Variants in ANKRD17 observed in about 807,000 individuals in gnomAD.
The protein encoded by ANKRD17 is ankyrin repeat domain 17.
Under a neutral mutation model 229.7 loss-of-function variants are expected in ANKRD17, and 19 were observed. The ratio of observed to expected loss-of-function variants is 0.08; its 90% CI spans 0.06 to 0.12. ANKRD17 has a LOEUF of 0.12. ANKRD17 is among the 10% of genes least tolerant of loss of function. The pLI is 1.00. For synonymous variants in ANKRD17, 1,112 were observed against 1,146.1 expected (o/e 0.97, Z 0.60); for missense variants, 2,176 against 3,176.8 (o/e 0.68, Z 7.57).
intron 1 of ANKRD17, among the ~76,000 whole-genome samples, chr4:73,226,578 A>T (rs1176977831): frequency 6.6e-6 from 1 of 151,468 alleles, no homozygotes; most frequent in Admixed American, 6.6e-5. Flanking sequence ...TATTTTTAGT[A>T]GAGACGGGGT....
chr4:73,197,629 G>C (rs1322240022), intron 1 of ANKRD17, among the ~76,000 whole-genome samples: 1 of 152,100 alleles, frequency 6.6e-6, no homozygotes, highest in Admixed American at 6.5e-5. Flanking sequence ...CCAGAAGTTT[G>C]AGACTAGCTT....
chr4:73,201,670 G>A (rs937226210), intron 1 of ANKRD17, among the ~76,000 whole-genome samples: 6 of 152,096 alleles, frequency 3.9e-5, no homozygotes, highest in Non-Finnish European at 8.8e-5. Flanking sequence ...AGTTTTCTAT[G>A]AGATTTTGTA....
At chr4:73,106,988 A>G (rs1190627085) in intron 24 of ANKRD17, among the ~76,000 whole-genome samples, 2 of 152,096 alleles carry the variant, frequency 1.3e-5, no homozygotes, top group Non-Finnish European at 1.5e-5. Context: ...ATACAGGTAG[A>G]CTTTTAAGAA....
chr4:73,119,026 A>C (rs1415630680), intron 21 of ANKRD17, among the ~76,000 whole-genome samples, 176 bp from the exon 22 acceptor site: 1 of 151,544 alleles, frequency 6.6e-6, no homozygotes, highest in Non-Finnish European at 1.5e-5. Flanking sequence ...AGCTGGGACT[A>C]CAGTCCCATG....
In ANKRD17 at chr4:73,120,182, G is replaced by T. The variant is rs778073435; in HGVS notation, c.4005C>A (p.Phe1335Leu). 1 of 1,614,054 alleles carries T rather than the reference G, an allele frequency of 6.2e-7. No homozygotes were observed. The highest frequency in any genetic ancestry group is 1.1e-5 in the South Asian group (1 of 91,076). ...TIAADKGHYK[F>L]CELLIGRGAH... is the part of the protein sequence containing the mutation. ...CATACCTGCCAATAAGAAGCTCACAGAATTTGTAATGCCCTTTATCTGCTG... is the reference window on the plus strand; with the variant it reads ...CATACCTGCCAATAAGAAGCTCACATAATTTGTAATGCCCTTTATCTGCTG... Residue 1335 changes from phenylalanine to leucine, a missense_variant, in exon 21 of 34, where the codon TTC becomes TTA. Phe to Leu is a conservative substitution (Grantham distance 22). This residue lies in a region of ANKRD17 where 178 missense variants were observed against 421.7 expected (regional missense o/e 0.42). Transcript: ENST00000358602.
intron 24 of ANKRD17, among the ~76,000 whole-genome samples, chr4:73,104,317 A>C (rs1478091348): frequency 6.6e-6 from 1 of 152,118 alleles, no homozygotes; most frequent in Non-Finnish European, 1.5e-5. Context: ...TGAAAGAAGA[A>C]ACTGAGCATG....
chr4:73,258,606 CG>C lies in ANKRD17; in HGVS notation c.62del (p.Pro21ArgfsTer42). The C allele has an allele frequency of 1.4e-6, 2 of 1,477,870 alleles. No individual in the cohort carries two copies. Among genetic ancestry groups the C allele is most frequent in the South Asian group, 1.3e-5 (1 of 76,884 alleles). The allele number at this position is 1,477,870 out of a possible 1,614,324, so 91.5% of individuals were successfully genotyped here. On this transcript the variant is annotated frameshift_variant, in exon 1 of 34. Coordinates refer to ENST00000358602, the MANE Select transcript of ANKRD17 (RefSeq NM_032217.5). LOFTEE classifies it high-confidence loss of function. ...ATAAEGEGSP[P>X]AVAAVAGPPA... The stretch of plus-strand genomic sequence containing the variant: ...GGGGGCCCGCCACAGCCGCCACCGC[CG>C]GGGGGCTCCCTTCTCCTTCTGCAGC...
In ANKRD17 at chr4:73,139,822, C is replaced by G. The variant is rs1158747153; in HGVS notation, c.2794G>C (p.Val932Leu). 1.9e-6 allele frequency: 3 copies of G among 1,614,124 alleles called. No individual in the cohort carries two copies. The highest frequency in any genetic ancestry group is 2.5e-6 in the Non-Finnish European group (3 of 1,180,050). Residue 932 changes from valine to leucine, a missense_variant, in exon 15 of 34, where the codon GTG becomes CTG. By Grantham distance (32) the Val-to-Leu change is conservative. Around this residue, in one of 18 missense-constraint regions of ANKRD17, gnomAD observed 230 missense variants for 252.3 expected, o/e 0.91. Transcript: ENST00000358602. ...SEGDYARLQQ[V>L]DPVLLKDEPQ... ...TCATCTTTAAGTAAAACAGGATCCA[C>G]TTGCTGTAACCGTGCATAGTCTCCC...
chr4:73,192,838 G>A (rs2149072208), intron 1 of ANKRD17, among the ~76,000 whole-genome samples: 1 of 152,240 alleles, frequency 6.6e-6, no homozygotes, highest in Admixed American at 6.5e-5. Flanking sequence ...GTAAGAATTA[G>A]TTAAAGCAAC....
chr4:73,108,489 G>T (rs1436692385), intron 24 of ANKRD17, among the ~76,000 whole-genome samples: 2 of 152,136 alleles, frequency 1.3e-5, no homozygotes, highest in African/African-American at 4.8e-5. Context: ...GGGAGAAGAG[G>T]AGGAACCAGC....
chr4:73,101,626 C>T (rs1252096161), intron 25 of ANKRD17, among the ~76,000 whole-genome samples: 1 of 135,636 alleles, frequency 7.4e-6, no homozygotes, highest in Admixed American at 8.4e-5. Flanking sequence ...GAGCATAATA[C>T]TGCACTCCAG....
intron 16 of ANKRD17, among the ~76,000 whole-genome samples, chr4:73,133,171 A>G (rs1370112291): frequency 9.9e-5 from 15 of 151,522 alleles, no homozygotes. Flanking sequence ...AATCGCTTGA[A>G]CCTGGGAGGC....
Position 73,184,877 on chromosome 4 carries a change from T to G in ANKRD17, c.394-7344A>C, listed in dbSNP as rs142245271. 1.2e-4 allele frequency among the ~76,000 whole-genome samples: 19 copies of G among 152,322 alleles called. No individual in the cohort carries two copies. The East Asian group carries it at 3.5e-3, about 28-fold the overall frequency. ...TCAGGAAGATGGCGCCTTTCAATAC[T>G]GTGCTGCGTTCAGAATTTATATTAA... On this transcript the variant is annotated intron_variant, in intron 1 of 33. Coordinates refer to ENST00000358602, the MANE Select transcript of ANKRD17 (RefSeq NM_032217.5).
At chr4:73,114,939 GAGA>G (rs1725761964) in intron 23 of ANKRD17, among the ~76,000 whole-genome samples, 1 of 152,104 alleles carries the variant, frequency 6.6e-6, no homozygotes, top group South Asian at 2.1e-4. Flanking sequence ...ATGTCTCCAG[GAGA>G]AGGTCTCAAT....
rs1425430768 is a variant in ANKRD17, at chr4:73,077,146, T to C, written c.7588-42A>G. The C allele has an allele frequency of 4.6e-6, 7 of 1,513,968 alleles. 1 individual carries two copies. The Admixed American group carries it at 1.6e-4, about 35-fold the overall frequency. 93.8% of individuals were successfully genotyped at this position (1,513,968 alleles called of 1,614,324 possible). ...ACACACATTAACATCCAAGTCATTGTTCATTTTTCCCAATATAATCAATAG... is the reference window on the plus strand; with the variant it reads ...ACACACATTAACATCCAAGTCATTGCTCATTTTTCCCAATATAATCAATAG... On this transcript the variant is annotated intron_variant, in intron 32 of 33. Coordinates refer to ENST00000358602, the MANE Select transcript of ANKRD17 (RefSeq NM_032217.5).
chr4:73,142,675 A>C lies in ANKRD17; in HGVS notation c.2050T>G (p.Leu684Val). 6.2e-7 allele frequency: 1 copy of C among 1,614,108 alleles called. No individual in the cohort carries two copies. The highest frequency in any genetic ancestry group is 8.5e-7 in the Non-Finnish European group (1 of 1,179,954). ...TGAGTAGGATCTGCCCCATGAGCCA[A>C]AAGTAGTTCCACCACTGCCAGATGA... ...GGHLAVVELLLAHGADPTHRL... is the reference protein window; with the variant it reads ...GGHLAVVELLVAHGADPTHRL... Residue 684 changes from leucine (L) to valine (V), a missense_variant, in exon 12 of 34, where the codon TTG becomes GTG. By Grantham distance (32) the Leu-to-Val change is conservative. Around this residue, in one of 18 missense-constraint regions of ANKRD17, gnomAD observed 275 missense variants for 386.9 expected, o/e 0.71. Transcript: ENST00000358602.
chr4:73,131,872 A>G (rs1458279872), intron 16 of ANKRD17, among the ~76,000 whole-genome samples: 1 of 152,194 alleles, frequency 6.6e-6, no homozygotes, highest in Non-Finnish European at 1.5e-5. Flanking sequence ...CAGATGAAAG[A>G]TCTAAGTATT....
chr4:73,201,544 T>C (rs980000304), intron 1 of ANKRD17, among the ~76,000 whole-genome samples: 12 of 152,094 alleles, frequency 7.9e-5, no homozygotes, highest in Non-Finnish European at 1.5e-4. Flanking sequence ...ATTAAAAATG[T>C]GTATATATCT....
chr4:73,087,558 G>C (rs538475248), intron 29 of ANKRD17, among the ~76,000 whole-genome samples: 8 of 152,284 alleles, frequency 5.3e-5, no homozygotes, highest in Non-Finnish European at 7.3e-5. Context: ...TTTAGACAGA[G>C]GGAGACCAAA....
Sources: gnomAD v4.1 joint callset for allele counts (sites outside exome capture counted in the v4.1 genomes callset) on GRCh38, gnomAD v4.1.1 for gene constraint, gnomAD v4.1.1 regional missense constraint, MANE v1.5 for transcripts, NCBI Gene and HGNC (gene_info 2026-07-23, HGNC 2026-07-21) for gene names.